ARV1: variants seen among roughly 807,000 people sequenced by gnomAD.
ARV1 encodes the protein protein ARV1.
ARV1 carries 26 observed loss-of-function variants against 31.1 expected under a neutral mutation model. That is an observed-to-expected ratio of 0.84 (90% CI 0.61 to 1.16). The LOEUF (loss-of-function observed/expected upper bound fraction) is 1.16. Ranked by LOEUF, ARV1 falls within the 50% of genes most tolerant of loss-of-function variation. The pLI, the probability that ARV1 is intolerant of heterozygous loss-of-function variation, is 0.00. For missense variants in ARV1, 281 were observed against 324.9 expected (o/e 0.86, Z 1.04); for synonymous variants, 117 against 123.2 (o/e 0.95, Z 0.34).
chr1:230,986,634 C>T (rs1399689572), intron 1 of ARV1, among the ~76,000 whole-genome samples: 3 of 138,826 alleles, frequency 2.2e-5, no homozygotes, highest in East Asian at 4.7e-4. Context: ...CGTTTCTGTT[C>T]GTGCCTTCCA....
At chr1:230,998,246 C>T (rs751132064) in intron 5 of ARV1, among the ~76,000 whole-genome samples, 1 of 152,174 alleles carries the variant, frequency 6.6e-6, no homozygotes, top group Non-Finnish European at 1.5e-5. Flanking sequence ...GAGGAAAACA[C>T]TGGAGCAGAG....
rs774395215 is a variant in ARV1, at chr1:230,979,150, C to T, written c.45C>T (p.Asn15=). The change falls in exon 1 of 6, where the codon AAC becomes AAT. Residue 15 remains asparagine, a synonymous_variant. Coordinates refer to ENST00000310256, the MANE Select transcript of ARV1 (RefSeq NM_022786.3). ...GRSGLQQGKG[N]VDGVAATPTA... is the part of the protein sequence containing the mutation. The stretch of plus-strand genomic sequence containing the variant: ...GCGGCCTGCAGCAGGGGAAGGGGAA[C>T]GTGGATGGGGTGGCAGCGACTCCTA... The T allele has an allele frequency of 1.2e-6, 2 of 1,611,246 alleles. No individual in the cohort carries two copies. Among genetic ancestry groups the T allele is most frequent in the Admixed American group, 1.7e-5 (1 of 59,786 alleles).
At chr1:230,990,079 C>A in intron 2 of ARV1, 31 bp from the exon 3 acceptor site, 1 of 1,578,860 alleles carries the variant, frequency 6.3e-7, no homozygotes, top group South Asian at 1.2e-5. Flanking sequence ...GTTTCCTTAC[C>A]TAATTGAATG....
intron 3 of ARV1, chr1:230,990,700 T>C: frequency 3.1e-6 from 1 of 317,468 alleles, no homozygotes; most frequent in Non-Finnish European, 6.3e-6. Flanking sequence ...GAACCACAGG[T>C]ATGCACCACC....
At chr1:230,991,386 C>A (rs1273198943) in intron 3 of ARV1, among the ~76,000 whole-genome samples, 1 of 152,158 alleles carries the variant, frequency 6.6e-6, no homozygotes, top group Non-Finnish European at 1.5e-5. Flanking sequence ...TTCTCCAGAC[C>A]TCCAGACTCT....
chr1:230,998,869 C>T (rs913516513), intron 5 of ARV1, among the ~76,000 whole-genome samples: 1 of 152,110 alleles, frequency 6.6e-6, no homozygotes, highest in Non-Finnish European at 1.5e-5. Context: ...TGTGATTGTG[C>T]CACTGCACTC....
intron 4 of ARV1, among the ~76,000 whole-genome samples, chr1:230,996,276 T>C (rs537097364): frequency 1.3e-5 from 2 of 152,270 alleles, no homozygotes; most frequent in African/African-American, 4.8e-5. Flanking sequence ...CCTGGGGCTC[T>C]GAGGGTTAAG....
intron 4 of ARV1, among the ~76,000 whole-genome samples, chr1:230,996,313 G>C (rs911122154): frequency 2.3e-4 from 35 of 152,172 alleles, no homozygotes; most frequent in African/African-American, 8.2e-4. Flanking sequence ...ACATGGCTGG[G>C]CAGTTATCAA....
chr1:230,997,054 C>T lies in ARV1; in HGVS notation c.674-67C>T, dbSNP rs569549182. 1.5e-5 allele frequency: 23 copies of T among 1,556,362 alleles called. No individual in the cohort carries two copies. The East Asian group carries it at 4.7e-4, about 32-fold the overall frequency. ...CAGCTTTACAAAACAATTCATACTA[C>T]CCGAAAATTTACATGTCAATATCGT... On this transcript the variant is annotated intron_variant, in intron 4 of 5. Transcript: ENST00000310256.
In ARV1 at chr1:230,988,362, C is replaced by T. The variant is rs749512504; in HGVS notation, c.217C>T (p.Pro73Ser). The stretch of plus-strand genomic sequence containing the variant: ...TGTAGACAAATATATCGAGTATGAT[C>T]CTGTTATCATCTTGATTAATGCTAT... ...KPVDKYIEYD[P>S]VIILINAILC... The change falls in exon 2 of 6, where the codon CCT (proline) becomes TCT (serine). Residue 73 changes from proline to serine, a missense_variant. Coordinates refer to ENST00000310256, the MANE Select transcript of ARV1 (RefSeq NM_022786.3). The T allele has an allele frequency of 5.0e-6, 8 of 1,594,460 alleles. No individual in the cohort carries two copies. The highest frequency in any genetic ancestry group is 6.9e-6 in the Non-Finnish European group (8 of 1,164,552).
Position 230,986,666 on chromosome 1 carries a change from CTATTTTTTTTTTTTTTTTT to C in ARV1, c.175-1652_175-1634del, listed in dbSNP as rs1385777742. Among the ~76,000 whole-genome samples, 36 of 79,742 alleles carry C rather than the reference CTATTTTTTTTTTTTTTTTT, an allele frequency of 4.5e-4. 2 individuals carry two copies. In the South Asian group the frequency reaches 0.015, roughly 34 times the overall value. The allele number at this position is 79,742 out of a possible 152,430, so 52.3% of individuals were successfully genotyped here. A position where few individuals can be genotyped will look rare whatever the true frequency, so the allele number is the denominator to read the frequency against. On this transcript the variant is annotated intron_variant, in intron 1 of 5. Coordinates refer to ENST00000310256, the MANE Select transcript of ARV1 (RefSeq NM_022786.3). The stretch of plus-strand genomic sequence containing the variant: ...TCCACCCACAAATGTAATACTTTTC[CTATTTTTTTTTTTTTTTTT>C]TTTTTTTTTTTTTTTTTTTTTGAGA...
chr1:230,993,530 A>C (rs937218262), intron 3 of ARV1, among the ~76,000 whole-genome samples: 2 of 152,216 alleles, frequency 1.3e-5, no homozygotes, highest in East Asian at 1.9e-4. Flanking sequence ...GCTTAATCAG[A>C]AGTTTCTTTC....
intron 1 of ARV1, among the ~76,000 whole-genome samples, chr1:230,983,684 G>A (rs1678975232): frequency 6.6e-6 from 1 of 152,028 alleles, no homozygotes; most frequent in South Asian, 2.1e-4. Flanking sequence ...GAAACAGCAG[G>A]AATATTTATG....
chr1:230,981,507 A>G (rs1384739243), intron 1 of ARV1, among the ~76,000 whole-genome samples: 2 of 152,122 alleles, frequency 1.3e-5, no homozygotes, highest in African/African-American at 4.8e-5. Flanking sequence ...CTGTCTTCAA[A>G]TTATGTTCAG....
chr1:230,993,913 C>T (rs1414215816), intron 3 of ARV1, among the ~76,000 whole-genome samples: 2 of 152,150 alleles, frequency 1.3e-5, no homozygotes, highest in Non-Finnish European at 2.9e-5. Flanking sequence ...AAAAGAATAT[C>T]TTACATAAAT....
intron 1 of ARV1, among the ~76,000 whole-genome samples, chr1:230,981,242 C>T (rs1307579149): frequency 6.6e-6 from 1 of 152,140 alleles, no homozygotes; most frequent in African/African-American, 2.4e-5. Flanking sequence ...TGTCTCATGG[C>T]TTTAAATACC....
At chr1:230,992,418 G>A (rs1679254345) in intron 3 of ARV1, among the ~76,000 whole-genome samples, 1 of 152,140 alleles carries the variant, frequency 6.6e-6, no homozygotes. Context: ...TAAATGAAGT[G>A]TACCTCTGAC....
At chr1:230,995,669 A>G (rs1274890398) in intron 3 of ARV1, 91 bp from the exon 4 acceptor site, 7 of 901,022 alleles carry the variant, frequency 7.8e-6, no homozygotes, top group Non-Finnish European at 8.4e-6. Flanking sequence ...TCAGCTGATA[A>G]GCTGTATTTT....
At chr1:230,981,817 C>T (rs1678917282) in intron 1 of ARV1, among the ~76,000 whole-genome samples, 1 of 152,148 alleles carries the variant, frequency 6.6e-6, no homozygotes, top group Non-Finnish European at 1.5e-5. Context: ...ATTTTACCGG[C>T]AGTCCCGCTG....
Sources: gnomAD v4.1 joint callset for allele counts (sites outside exome capture counted in the v4.1 genomes callset) on GRCh38, gnomAD v4.1.1 for gene constraint, MANE v1.5 for transcripts, NCBI Gene and HGNC (gene_info 2026-07-23, HGNC 2026-07-21) for gene names.